Variants in ERICH5 observed in about 807,000 individuals in gnomAD.
The protein encoded by ERICH5 is glutamate-rich protein 5.
Under a neutral mutation model 28.0 loss-of-function variants are expected in ERICH5, and 24 were observed. That is an observed-to-expected ratio of 0.86 (90% CI 0.62 to 1.21). The LOEUF (loss-of-function observed/expected upper bound fraction) is 1.21, where lower values mean the gene tolerates loss of function less well. ERICH5 is among the 50% of genes most tolerant of loss of function. ERICH5 has a pLI of 0.00. For missense variants in ERICH5, 421 were observed against 441.2 expected (o/e 0.95, Z 0.41); for synonymous variants, 163 against 157.6 (o/e 1.03, Z -0.25).
intron 2 of ERICH5, 90 bp downstream of exon 2, chr8:98,090,119 C>T (rs1354444262): frequency 2.1e-6 from 2 of 936,268 alleles, no homozygotes; most frequent in Non-Finnish European, 3.1e-6. Flanking sequence ...GACACACAGT[C>T]CCTGAAGTCA....
chr8:98,090,147 T>C (rs1418968404), intron 2 of ERICH5, 118 bp downstream of exon 2: 1 of 728,976 alleles, frequency 1.4e-6, no homozygotes, highest in Non-Finnish European at 2.2e-6. Context: ...GTGGTTGAAG[T>C]TCGTTTGACC....
chr8:98,066,734 T>A (rs1249092356), intron 1 of ERICH5, among the ~76,000 whole-genome samples: 1 of 152,220 alleles, frequency 6.6e-6, no homozygotes, highest in Non-Finnish European at 1.5e-5. Context: ...GTCTATTTGC[T>A]TCTAACCCTC....
intron 1 of ERICH5, among the ~76,000 whole-genome samples, chr8:98,071,661 A>G (rs1814921720): frequency 6.6e-6 from 1 of 151,558 alleles, no homozygotes; most frequent in Non-Finnish European, 1.5e-5. Context: ...TTTTTAAAGC[A>G]AAGTGCCAGA....
At chr8:98,068,166 A>C (rs1814851767) in intron 1 of ERICH5, among the ~76,000 whole-genome samples, 1 of 152,076 alleles carries the variant, frequency 6.6e-6, no homozygotes, top group Non-Finnish European at 1.5e-5. Flanking sequence ...CTATGTTATA[A>C]ATTTAAATCA....
chr8:98,090,292 CAT>C (rs1236380134), intron 2 of ERICH5, among the ~76,000 whole-genome samples: 3 of 152,168 alleles, frequency 2.0e-5, no homozygotes, highest in African/African-American at 4.8e-5. Flanking sequence ...TTGAAGGCAA[CAT>C]GTGAAACTTT....
At chr8:98,068,419 C>T (rs974434832) in intron 1 of ERICH5, among the ~76,000 whole-genome samples, 6 of 152,192 alleles carry the variant, frequency 3.9e-5, no homozygotes, top group African/African-American at 1.4e-4. Flanking sequence ...GGTAGTCACA[C>T]ATCGATTTTT....
chr8:98,090,565 C>T (rs1382077772), intron 2 of ERICH5, among the ~76,000 whole-genome samples: 1 of 150,254 alleles, frequency 6.7e-6, no homozygotes, highest in African/African-American at 2.5e-5. Context: ...CAGTTCATGA[C>T]CTGCCTGGGC....
At chr8:98,073,403 C>CCCCTCTCTCTCT (rs1814956860) in intron 1 of ERICH5, among the ~76,000 whole-genome samples, 1 of 26,848 alleles carries the variant, frequency 3.7e-5, no homozygotes, top group African/African-American at 2.3e-4. Context: ...ATAGTGAGAC[C>CCCCTCTCTCTCT]CTCTCTCTCT....
At chr8:98,086,527 G>A (rs922437187) in intron 1 of ERICH5, among the ~76,000 whole-genome samples, 18 of 152,188 alleles carry the variant, frequency 1.2e-4, no homozygotes, top group African/African-American at 4.1e-4. Context: ...ATAAAAAATT[G>A]TAATAGCTTA....
At chr8:98,076,092 C>T (rs1012336898) in intron 1 of ERICH5, among the ~76,000 whole-genome samples, 3 of 152,078 alleles carry the variant, frequency 2.0e-5, no homozygotes, top group Non-Finnish European at 4.4e-5. Context: ...CTCTCTCTGT[C>T]ACCCAGGCTG....
Position 98,091,836 on chromosome 8 carries a change from T to TTTTCTTTC in ERICH5, c.1013-1328_1013-1321dup, listed in dbSNP as rs3074382. ...AGACTTTCTTTTTCTTTCTTTTTCT[T>TTTTCTTTC]TTTCTTTCTTTCTTTCTTTCTTTCT... On this transcript the variant is annotated intron_variant, in intron 2 of 2. Transcript: ENST00000318528. 8.5e-3 allele frequency among the ~76,000 whole-genome samples: 916 copies of TTTTCTTTC among 107,218 alleles called. 34 individuals are homozygous for TTTTCTTTC. The highest frequency in any genetic ancestry group is 0.032 in the East Asian group (114 of 3,538). The allele number at this position is 107,218 out of a possible 152,430, so 70.3% of individuals were successfully genotyped here. A position where few individuals can be genotyped will look rare whatever the true frequency, so the allele number is the denominator to read the frequency against.
chr8:98,076,832 C>T (rs1455519372), intron 1 of ERICH5, among the ~76,000 whole-genome samples: 1 of 152,018 alleles, frequency 6.6e-6, no homozygotes, highest in Non-Finnish European at 1.5e-5. Flanking sequence ...AAAAAAATTC[C>T]CAGGTCATGC....
intron 2 of ERICH5, among the ~76,000 whole-genome samples, chr8:98,092,998 T>C (rs999084853): frequency 6.6e-6 from 1 of 152,090 alleles, no homozygotes; most frequent in Non-Finnish European, 1.5e-5. Context: ...GCTCCTGAAC[T>C]CCTGACCTCA....
At chr8:98,074,088 C>T (rs1435657508) in intron 1 of ERICH5, among the ~76,000 whole-genome samples, 1 of 151,456 alleles carries the variant, frequency 6.6e-6, no homozygotes, top group East Asian at 1.9e-4. Flanking sequence ...GGAGAGTTGA[C>T]ATTTTGCCAT....
chr8:98,087,734 T>G (rs1482092741), intron 1 of ERICH5, among the ~76,000 whole-genome samples: 1 of 152,200 alleles, frequency 6.6e-6, no homozygotes, highest in East Asian at 1.9e-4. Flanking sequence ...GTACTTTATA[T>G]GCATTACTTT....
chr8:98,073,488 A>C (rs866921152), intron 1 of ERICH5, among the ~76,000 whole-genome samples: 1 of 2,502 alleles, frequency 4.0e-4, no homozygotes, highest in Non-Finnish European at 6.7e-4. Flanking sequence ...ATATATATGT[A>C]TATATATATA....
At chr8:98,070,660 C>CAAAAAAAAAAAA (rs769042472) in intron 1 of ERICH5, among the ~76,000 whole-genome samples, 71 of 38,736 alleles carry the variant, frequency 1.8e-3, no homozygotes, top group African/African-American at 3.4e-3. Flanking sequence ...AACTGCATCT[C>CAAAAAAAAAAAA]AAAAAAAAAA....
chr8:98,068,522 C>G (rs555892395), intron 1 of ERICH5, among the ~76,000 whole-genome samples: 4 of 152,244 alleles, frequency 2.6e-5, no homozygotes, highest in Non-Finnish European at 4.4e-5. Context: ...TTTTTGGAAG[C>G]AAGTTTTAAA....
chr8:98,070,693 GA>G (rs1220192686), intron 1 of ERICH5, among the ~76,000 whole-genome samples: 6 of 107,656 alleles, frequency 5.6e-5, no homozygotes, highest in African/African-American at 1.6e-4. Context: ...GAAAAGAAAA[GA>G]AAAAGAAAAG....
Sources: allele counts gnomAD v4.1 joint callset (sites outside exome capture counted in the v4.1 genomes callset), GRCh38; gene constraint gnomAD v4.1.1; transcripts MANE v1.5; gene names NCBI Gene and HGNC (gene_info 2026-07-23, HGNC 2026-07-21).